SLC24A2: variants seen among roughly 807,000 people sequenced by gnomAD.
SLC24A2 encodes the protein sodium/potassium/calcium exchanger 2.
A neutral mutation model predicts 62.0 loss-of-function variants in SLC24A2; 36 were observed. That is an observed-to-expected ratio of 0.58 (90% CI 0.44 to 0.77). The LOEUF is 0.77. SLC24A2 is among the 30% of genes least tolerant of loss of function. SLC24A2 has a pLI of 0.00. For synonymous variants in SLC24A2, 358 were observed against 294.0 expected (o/e 1.22, Z -2.23); for missense variants, 846 against 817.9 (o/e 1.03, Z -0.42).
chr9:20,033,676 G>C, the SLC24A2 span, among the ~76,000 whole-genome samples: 1 of 152,206 alleles, frequency 6.6e-6, no homozygotes, highest in Non-Finnish European at 1.5e-5. Context: ...ACTCCCACCA[G>C]TGCCCTGACG....
intron 5 of SLC24A2, among the ~76,000 whole-genome samples, chr9:19,590,535 A>G (rs891978496): frequency 2.0e-5 from 3 of 152,106 alleles, no homozygotes; most frequent in Non-Finnish European, 2.9e-5. Context: ...GTACAAAGCA[A>G]TAACCACCCC....
the SLC24A2 span, among the ~76,000 whole-genome samples, chr9:19,901,397 A>T: frequency 6.6e-6 from 1 of 152,188 alleles, no homozygotes; most frequent in East Asian, 1.9e-4. Flanking sequence ...TATTTCTTAT[A>T]AGGGTTACAG....
chr9:20,013,186 T>G, the SLC24A2 span, among the ~76,000 whole-genome samples: 1 of 151,952 alleles, frequency 6.6e-6, no homozygotes. Flanking sequence ...GCCTGCATGG[T>G]AGTGGCATAA....
the SLC24A2 span, among the ~76,000 whole-genome samples, chr9:20,089,117 A>G: frequency 1.3e-5 from 2 of 152,110 alleles, no homozygotes; most frequent in African/African-American, 4.8e-5. Flanking sequence ...TCCCAGTGGG[A>G]GGGGTGTGTT....
chr9:20,013,294 G>C, the SLC24A2 span, among the ~76,000 whole-genome samples: 1 of 151,788 alleles, frequency 6.6e-6, no homozygotes, highest in Non-Finnish European at 1.5e-5. Flanking sequence ...AAGTTTCCAA[G>C]GACACACAAT....
At chr9:19,830,508 G>A in the SLC24A2 span, among the ~76,000 whole-genome samples, 1 of 152,118 alleles carries the variant, frequency 6.6e-6, no homozygotes, top group Non-Finnish European at 1.5e-5. Flanking sequence ...TATCCCAAAT[G>A]ACACAGCTAC....
the SLC24A2 span, among the ~76,000 whole-genome samples, chr9:20,055,580 A>C: frequency 6.6e-6 from 1 of 152,048 alleles, no homozygotes; most frequent in African/African-American, 2.4e-5. Context: ...AAGGGGTAGA[A>C]TCAGGATTTG....
chr9:20,264,707 T>C, the SLC24A2 span, among the ~76,000 whole-genome samples: 2 of 152,332 alleles, frequency 1.3e-5, no homozygotes, highest in Admixed American at 1.3e-4. Flanking sequence ...TAACCTGTGG[T>C]AAAATATAGG....
Position 19,619,568 on chromosome 9 carries a change from A to G in SLC24A2, c.1078+16T>C, listed in dbSNP as rs1377184763. ...TTCCCCCCAAACAAGTTCCCAAACC[A>G]AAGCTTGATGTTTACCTTCGGCGAG... On this transcript the variant is annotated intron_variant, in intron 4 of 10. Coordinates refer to ENST00000341998, the MANE Select transcript of SLC24A2 (RefSeq NM_020344.4). 1 of 1,595,366 alleles carries G rather than the reference A, an allele frequency of 6.3e-7. No homozygotes were observed. Among genetic ancestry groups the G allele is most frequent in the East Asian group, 2.2e-5 (1 of 44,790 alleles).
At chr9:20,124,363 A>G in the SLC24A2 span, among the ~76,000 whole-genome samples, 2 of 152,108 alleles carry the variant, frequency 1.3e-5, no homozygotes, top group Admixed American at 6.6e-5. Flanking sequence ...ATAGGCAAAC[A>G]TGTTATTTAA....
intron 10 of SLC24A2, among the ~76,000 whole-genome samples, chr9:19,519,753 G>T (rs999273861): frequency 1.3e-5 from 2 of 152,174 alleles, no homozygotes; most frequent in Non-Finnish European, 1.5e-5. Flanking sequence ...GGGAATCAGA[G>T]AAATCAGGAT....
chr9:20,144,194 G>C, the SLC24A2 span, among the ~76,000 whole-genome samples: 1 of 152,208 alleles, frequency 6.6e-6, no homozygotes, highest in African/African-American at 2.4e-5. Flanking sequence ...CCAACTCTCT[G>C]AGGCTTTTTC....
chr9:19,940,345 T>C, the SLC24A2 span, among the ~76,000 whole-genome samples: 2 of 152,214 alleles, frequency 1.3e-5, no homozygotes, highest in Non-Finnish European at 2.9e-5. Context: ...CAGGGGGTAC[T>C]TTTATAAACA....
the SLC24A2 span, among the ~76,000 whole-genome samples, chr9:19,842,930 G>T: frequency 6.6e-6 from 1 of 151,934 alleles, no homozygotes; most frequent in Non-Finnish European, 1.5e-5. Context: ...CCTAATGTTG[G>T]ATTATCACTT....
chr9:19,891,426 A>G, the SLC24A2 span, among the ~76,000 whole-genome samples: 1 of 152,332 alleles, frequency 6.6e-6, no homozygotes, highest in South Asian at 2.1e-4. Context: ...TTTATAAAGA[A>G]AGAGGTTTAT....
At chr9:20,004,146 T>C in the SLC24A2 span, among the ~76,000 whole-genome samples, 5 of 152,210 alleles carry the variant, frequency 3.3e-5, no homozygotes, top group African/African-American at 1.2e-4. Flanking sequence ...TTCTAATGAG[T>C]ACCAGCTAAC....
the SLC24A2 span, among the ~76,000 whole-genome samples, chr9:19,807,940 A>G: frequency 6.6e-6 from 1 of 152,222 alleles, no homozygotes; most frequent in African/African-American, 2.4e-5. Context: ...TTTAAGGTAT[A>G]AGTCATCCCT....
the SLC24A2 span, among the ~76,000 whole-genome samples, chr9:20,225,564 A>ATATATATATAATATATAT: frequency 1.7e-5 from 2 of 115,966 alleles, 1 homozygote; most frequent in Non-Finnish European, 3.2e-5. Flanking sequence ...TATATATTAT[A>ATATATATATAATATATAT]TATATATATA....
At chr9:19,544,880 T>C (rs1468322103) in intron 8 of SLC24A2, among the ~76,000 whole-genome samples, 1 of 152,220 alleles carries the variant, frequency 6.6e-6, no homozygotes, top group Non-Finnish European at 1.5e-5. Context: ...ATTTCAACTT[T>C]GGTGAATCTG....
Sources: gnomAD v4.1 joint callset for allele counts (sites outside exome capture counted in the v4.1 genomes callset) on GRCh38, gnomAD v4.1.1 for gene constraint, MANE v1.5 for transcripts, NCBI Gene and HGNC (gene_info 2026-07-23, HGNC 2026-07-21) for gene names.